The following KIRREL3 variants were observed in gnomAD, a reference collection of about 807,000 sequenced individuals.
KIRREL3 encodes the protein kirre like nephrin family adhesion molecule 3.
KIRREL3 carries 36 observed loss-of-function variants against 89.7 expected under a neutral mutation model. The ratio of observed to expected loss-of-function variants is 0.40; its 90% CI spans 0.31 to 0.53. The LOEUF (loss-of-function observed/expected upper bound fraction) is 0.53, where lower values mean the gene tolerates loss of function less well. Among genes scored for constraint, KIRREL3 ranks in the 20% least tolerant of loss-of-function variants. The probability of loss-of-function intolerance (pLI) is 0.49; values close to 1 mark genes in which losing one functional copy is unlikely to be tolerated. For missense variants in KIRREL3, 864 were observed against 1,056.6 expected (o/e 0.82, Z 2.53); for synonymous variants, 445 against 441.4 (o/e 1.01, Z -0.10).
intron 5 of KIRREL3, among the ~76,000 whole-genome samples, chr11:126,469,769 A>C (rs924295679): frequency 6.6e-6 from 1 of 152,210 alleles, no homozygotes; most frequent in Non-Finnish European, 1.5e-5. Flanking sequence ...GCCTCTTCCC[A>C]TGCTCATGTC....
Position 126,897,487 on chromosome 11 carries a change from T to G in KIRREL3, c.55+102968A>C, listed in dbSNP as rs553372963. Among the ~76,000 whole-genome samples the G allele has an allele frequency of 9.2e-5, 14 of 152,278 alleles. No homozygotes were observed. In the South Asian group the frequency reaches 2.9e-3, roughly 32 times the overall value. On this transcript the variant is annotated intron_variant, in intron 1 of 16. Coordinates refer to ENST00000525144, the MANE Select transcript of KIRREL3 (RefSeq NM_032531.4). The surrounding 1 kb of genome is among the most constrained non-coding windows in gnomAD (Gnocchi z 4.2). Reference sequence around the variant, plus strand: ...AACTTGGACCTTTGTCACTCACCTGTCAACCCCATCTAACACCACCCCCAA... The same window carrying G: ...AACTTGGACCTTTGTCACTCACCTGGCAACCCCATCTAACACCACCCCCAA...
chr11:126,435,255 TCTC>T lies in KIRREL3; in HGVS notation c.1588+10_1588+12del, dbSNP rs1565446897. ...CCCCTTCCCAGGGCCATTCTCATCA[TCTC>T]CTTCCGTACCTGCTTCCAGCCCGGC... On this transcript the variant is annotated intron_variant, in intron 13 of 16. Transcript: ENST00000525144. 7 of 1,613,428 alleles carry T rather than the reference TCTC, an allele frequency of 4.3e-6. No individual in the cohort carries two copies. Among genetic ancestry groups the T allele is most frequent in the South Asian group, 2.2e-5 (2 of 91,064 alleles).
At chr11:126,759,874 G>C (rs1333303572) in intron 1 of KIRREL3, among the ~76,000 whole-genome samples, 1 of 152,158 alleles carries the variant, frequency 6.6e-6, no homozygotes, top group Non-Finnish European at 1.5e-5. Flanking sequence ...ACACGTCAGA[G>C]AGGAAGGGCC....
chr11:126,765,641 C>T (rs776057210), intron 1 of KIRREL3, among the ~76,000 whole-genome samples: 1 of 152,188 alleles, frequency 6.6e-6, no homozygotes, highest in African/African-American at 2.4e-5. Context: ...CTATAATTTT[C>T]TTCACTGTCT....
chr11:126,986,641 C>A (rs551154718), intron 1 of KIRREL3, among the ~76,000 whole-genome samples: 1 of 152,190 alleles, frequency 6.6e-6, no homozygotes, highest in Non-Finnish European at 1.5e-5. Flanking sequence ...CTCTTGATTT[C>A]TTTCCAGTTG....
In KIRREL3 at chr11:126,814,524, C is replaced by T. The variant is rs1056191513; in HGVS notation, c.55+185931G>A. 2.6e-5 allele frequency among the ~76,000 whole-genome samples: 4 copies of T among 152,068 alleles called. No individual in the cohort carries two copies. Among genetic ancestry groups the T allele is most frequent in the Admixed American group, 6.5e-5 (1 of 15,278 alleles). On this transcript the variant is annotated intron_variant, in intron 1 of 16. Coordinates refer to ENST00000525144, the MANE Select transcript of KIRREL3 (RefSeq NM_032531.4). The surrounding 1 kb of genome is among the most constrained non-coding windows in gnomAD (Gnocchi z 4.4). ...CAAAGACATGGAATCTACCTAAATG[C>T]CCATCAATGATAGACTGGATAAAGA...
intron 1 of KIRREL3, among the ~76,000 whole-genome samples, chr11:126,701,530 T>G (rs1379003109): frequency 1.3e-5 from 2 of 152,098 alleles, no homozygotes; most frequent in Admixed American, 6.5e-5. Context: ...ATCATGAAAC[T>G]GAAGAATCCT....
intron 16 of KIRREL3, among the ~76,000 whole-genome samples, chr11:126,425,397 C>T (rs748310861): frequency 6.6e-6 from 1 of 152,208 alleles, no homozygotes; most frequent in Non-Finnish European, 1.5e-5. Context: ...CATTTTGAAT[C>T]TACATGTGAG....
In KIRREL3 at chr11:126,724,463, GCCATGTCACTCCCTATC is replaced by G. The variant is rs1383203227; in HGVS notation, c.56-161568_56-161552del. On this transcript the variant is annotated intron_variant, in intron 1 of 16. Transcript: ENST00000525144. This position sits in a 1 kb window ranked among gnomAD's most constrained non-coding sequence, Gnocchi z 4.3. ...CAGATGGACACCCTGGAGGTTCGGA[GCCATGTCACTCCCTATC>G]AGCCCTCTCCAAACATCCAGGCAGG... 6.6e-6 allele frequency among the ~76,000 whole-genome samples: 1 copy of G among 152,142 alleles called. No homozygotes were observed. The highest frequency in any genetic ancestry group is 1.5e-5 in the Non-Finnish European group (1 of 68,010).
chr11:126,923,125 T>C (rs796257024), intron 1 of KIRREL3, among the ~76,000 whole-genome samples: 3,199 of 44,608 alleles, frequency 0.072, 338 homozygotes, highest in Middle Eastern at 0.15. Context: ...TCCTTCTCCT[T>C]CTTCTCTTCT....
Position 126,808,471 on chromosome 11 carries a change from A to G in KIRREL3, c.55+191984T>C, listed in dbSNP as rs185121984. Among the ~76,000 whole-genome samples the G allele has an allele frequency of 5.7e-4, 87 of 152,228 alleles. 1 individual carries two copies. In the East Asian group the frequency reaches 0.016, roughly 29 times the overall value. ...GGCCTTAAGATAAAGGCAGTTTTTC[A>G]TGGGGTCTGTTTTTTTCCCAGTGAC... On this transcript the variant is annotated intron_variant, in intron 1 of 16. Transcript: ENST00000525144. The surrounding 1 kb of genome is among the most constrained non-coding windows in gnomAD (Gnocchi z 4.1).
chr11:126,986,771 A>C (rs1949879230), intron 1 of KIRREL3, among the ~76,000 whole-genome samples: 1 of 152,220 alleles, frequency 6.6e-6, no homozygotes, highest in Non-Finnish European at 1.5e-5. Context: ...TTCCTGATGT[A>C]ACATGAAAAC....
chr11:126,503,463 G>A (rs1005535494), intron 4 of KIRREL3, among the ~76,000 whole-genome samples: 10 of 152,166 alleles, frequency 6.6e-5, no homozygotes, highest in Admixed American at 6.5e-4. Flanking sequence ...TGCAGCACTA[G>A]GCAAGTCTCC....
chr11:126,776,265 G>A lies in KIRREL3; in HGVS notation c.56-213353C>T, dbSNP rs148659377. The stretch of plus-strand genomic sequence containing the variant: ...CATGCTCTTTGAACAGGGAGGAGCT[G>A]GAGGACTTGGAAGGGAATGTGTGCT... On this transcript the variant is annotated intron_variant, in intron 1 of 16. Transcript: ENST00000525144. This position sits in a 1 kb window ranked among gnomAD's most constrained non-coding sequence, Gnocchi z 4.7. Among the ~76,000 whole-genome samples the A allele has an allele frequency of 1.4e-3, 218 of 152,292 alleles. No individual in the cohort carries two copies. The highest frequency in any genetic ancestry group is 2.5e-3 in the Non-Finnish European group (167 of 68,028).
intron 1 of KIRREL3, among the ~76,000 whole-genome samples, chr11:126,857,845 C>T (rs1944581638): frequency 6.6e-6 from 1 of 151,202 alleles, no homozygotes; most frequent in South Asian, 2.1e-4. Flanking sequence ...AGGAGGACTG[C>T]AGGTGGCTGT....
chr11:126,954,108 C>T lies in KIRREL3; in HGVS notation c.55+46347G>A, dbSNP rs1430841601. Among the ~76,000 whole-genome samples, 2 of 151,960 alleles carry T rather than the reference C, an allele frequency of 1.3e-5. No homozygotes were observed. Among genetic ancestry groups the T allele is most frequent in the African/African-American group, 2.4e-5 (1 of 41,374 alleles). On this transcript the variant is annotated intron_variant, in intron 1 of 16. Coordinates refer to ENST00000525144, the MANE Select transcript of KIRREL3 (RefSeq NM_032531.4). This position sits in a 1 kb window ranked among gnomAD's most constrained non-coding sequence, Gnocchi z 4.1. Reference sequence around the variant, plus strand: ...TCGGTCTGTGAGCGCCTCTAATACCCTATGTGGTTTCTTGAGATTTCCAAA... The same window carrying T: ...TCGGTCTGTGAGCGCCTCTAATACCTTATGTGGTTTCTTGAGATTTCCAAA...
In KIRREL3 at chr11:126,557,646, T is replaced by A. The variant is rs1029597575; in HGVS notation, c.133+5189A>T. Among the ~76,000 whole-genome samples, 1 of 152,208 alleles carries A rather than the reference T, an allele frequency of 6.6e-6. No individual in the cohort carries two copies. Among genetic ancestry groups the A allele is most frequent in the Non-Finnish European group, 1.5e-5 (1 of 68,040 alleles). ...AGTAGAAGCTTTAGACTCATTTTTT[T>A]ATTAGTGTACGAGGGTGCATAAAGA... On this transcript the variant is annotated intron_variant, in intron 2 of 16. Coordinates refer to ENST00000525144, the MANE Select transcript of KIRREL3 (RefSeq NM_032531.4). The surrounding 1 kb of genome is among the most constrained non-coding windows in gnomAD (Gnocchi z 5.6).
In KIRREL3 at chr11:126,606,677, T is replaced by G. The variant is rs1305994901; in HGVS notation, c.56-43765A>C. Among the ~76,000 whole-genome samples, 1 of 152,084 alleles carries G rather than the reference T, an allele frequency of 6.6e-6. No individual in the cohort carries two copies. Among genetic ancestry groups the G allele is most frequent in the East Asian group, 1.9e-4 (1 of 5,194 alleles). ...CAGTCAGTTTCCAAGCTGCATAACT[T>G]GGTTCAAGGTTGGCAGTGAGGGGAG... On this transcript the variant is annotated intron_variant, in intron 1 of 16. Coordinates refer to ENST00000525144, the MANE Select transcript of KIRREL3 (RefSeq NM_032531.4). The surrounding 1 kb of genome is among the most constrained non-coding windows in gnomAD (Gnocchi z 4.6).
rs908166863 is a variant in KIRREL3 at position 126,841,406 on chromosome 11, C to G, written c.55+159049G>C. 2.6e-5 allele frequency among the ~76,000 whole-genome samples: 4 copies of G among 152,218 alleles called. No individual in the cohort carries two copies. In the East Asian group the frequency reaches 7.7e-4, roughly 29 times the overall value. ...CTGCTTCTTCTCCACATATCCCCAG[C>G]AGCCAGCACAATGCCAGGCATGTAG... On this transcript the variant is annotated intron_variant, in intron 1 of 16. Coordinates refer to ENST00000525144, the MANE Select transcript of KIRREL3 (RefSeq NM_032531.4).
Sources: gnomAD v4.1 joint callset for allele counts (sites outside exome capture counted in the v4.1 genomes callset) on GRCh38, gnomAD v4.1.1 for gene constraint, Gnocchi (gnomAD v3.1) non-coding constraint, MANE v1.5 for transcripts, NCBI Gene and HGNC (gene_info 2026-07-23, HGNC 2026-07-21) for gene names.